Variants in DDX24 observed in about 807,000 individuals in gnomAD.
DDX24 encodes ATP-dependent RNA helicase DDX24.
DDX24 carries 24 observed loss-of-function variants against 68.9 expected under a neutral mutation model. The observed-to-expected ratio is 0.35, with a 90% confidence interval of 0.25 to 0.49. DDX24 has a LOEUF of 0.49. DDX24 is among the 20% of genes least tolerant of loss of function. The pLI is 0.99. For synonymous variants in DDX24, 395 were observed against 385.2 expected, an observed-to-expected ratio of 1.03 and a Z score of -0.30; for missense variants, 989 against 1,039.0, an observed-to-expected ratio of 0.95 and a Z score of 0.66.
intron 2 of DDX24, among the ~76,000 whole-genome samples, chr14:94,077,592 C>G (rs1442465434): frequency 2.0e-5 from 3 of 152,196 alleles, no homozygotes; most frequent in Admixed American, 2.0e-4. Context: ...GTACTTACCC[C>G]AGGGTGGTTG....
chr14:94,070,529 C>G (rs1472671279), intron 2 of DDX24, among the ~76,000 whole-genome samples: 1 of 151,944 alleles, frequency 6.6e-6, no homozygotes, highest in African/African-American at 2.4e-5. Context: ...CATATGGAAC[C>G]AAAAAAGAGC....
chr14:94,078,181 G>A (rs752536240), intron 2 of DDX24, among the ~76,000 whole-genome samples: 4 of 152,162 alleles, frequency 2.6e-5, no homozygotes, highest in Non-Finnish European at 5.9e-5. Context: ...AGGAGGATGT[G>A]CCTATATAGG....
At chr14:94,056,141 A>G (rs1179880286) in intron 6 of DDX24, 1 of 152,160 alleles carries the variant, frequency 6.6e-6, no homozygotes, top group Non-Finnish European at 1.5e-5. Flanking sequence ...TTCCCCAAAA[A>G]AGGGAAGACT....
At chr14:94,058,015 C>T in intron 5 of DDX24, 118 bp from the exon 6 acceptor site, 1 of 871,826 alleles carries the variant, frequency 1.1e-6, no homozygotes, top group Non-Finnish European at 1.7e-6. Context: ...TAAGATATCA[C>T]TTGTATACCC....
chr14:94,059,160 CT>C (rs1885544780), intron 5 of DDX24, among the ~76,000 whole-genome samples: 1 of 152,260 alleles, frequency 6.6e-6, no homozygotes, highest in Non-Finnish European at 1.5e-5. Context: ...ACTGATACTA[CT>C]TACCAATTTT....
chr14:94,069,300 C>G (rs1216108732), intron 2 of DDX24, among the ~76,000 whole-genome samples: 2 of 151,996 alleles, frequency 1.3e-5, no homozygotes, highest in Non-Finnish European at 2.9e-5. Context: ...AAAAACCCTC[C>G]TAGCTTAAGT....
At chr14:94,077,144 T>C (rs1419260301) in intron 2 of DDX24, among the ~76,000 whole-genome samples, 2 of 152,236 alleles carry the variant, frequency 1.3e-5, no homozygotes, top group Non-Finnish European at 2.9e-5. Context: ...CAGCCAATAA[T>C]AGGCTATTAG....
intron 6 of DDX24, chr14:94,057,584 C>T: frequency 2.0e-6 from 1 of 491,764 alleles, no homozygotes; most frequent in South Asian, 3.3e-5. Context: ...AAGACTCTAA[C>T]CTGACAATAT....
intron 2 of DDX24, among the ~76,000 whole-genome samples, chr14:94,065,031 A>G (rs1885671471): frequency 6.6e-6 from 1 of 151,214 alleles, no homozygotes; most frequent in Admixed American, 6.6e-5. Flanking sequence ...TTTGATGCCA[A>G]GAGTGTTCTG....
At chr14:94,064,265 G>C (rs1885653863) in intron 2 of DDX24, among the ~76,000 whole-genome samples, 1 of 152,192 alleles carries the variant, frequency 6.6e-6, no homozygotes, top group East Asian at 1.9e-4. Flanking sequence ...GAGCTTCTAA[G>C]AGCCTTGTAA....
chr14:94,054,999 G>A lies in DDX24; in HGVS notation c.2175C>T (p.Val725=). 1.2e-6 allele frequency: 2 copies of A among 1,613,956 alleles called. No homozygotes were observed. The highest frequency in any genetic ancestry group is 1.7e-6 in the Non-Finnish European group (2 of 1,179,924). ...FPVQTKYMDV[V]KERIRLARQI... is the part of the protein sequence containing the mutation. ...TGGGGTTTTAACTGCTTTCTACCTTGACCACATCCATGTATTTTGTCTGCA... is the reference window on the plus strand; with the variant it reads ...TGGGGTTTTAACTGCTTTCTACCTTAACCACATCCATGTATTTTGTCTGCA... The change falls in exon 7 of 9, where the codon GTC becomes GTT. Residue 725 remains valine (V), a synonymous_variant. Coordinates refer to ENST00000621632, the MANE Select transcript of DDX24 (RefSeq NM_020414.4).
intron 4 of DDX24, 46 bp downstream of exon 4, chr14:94,060,867 T>A: frequency 6.2e-7 from 1 of 1,607,172 alleles, no homozygotes; most frequent in Non-Finnish European, 8.5e-7. Context: ...CTAAGGCTCA[T>A]TTCAGAAAAG....
At chr14:94,078,590 GAC>G (rs1222903129) in intron 2 of DDX24, among the ~76,000 whole-genome samples, 1 of 152,178 alleles carries the variant, frequency 6.6e-6, no homozygotes, top group Non-Finnish European at 1.5e-5. Flanking sequence ...CTGAGAATTA[GAC>G]AGTTCTTCCC....
At chr14:94,060,821 T>C (rs1357803123) in intron 4 of DDX24, 92 bp downstream of exon 4, 1 of 1,547,226 alleles carries the variant, frequency 6.5e-7, no homozygotes, top group African/African-American at 1.4e-5. Flanking sequence ...CATAGCATTC[T>C]GCGATGAGAA....
rs999105391 is a variant in DDX24, at chr14:94,057,523, T to A, written c.1989+299A>T. Reference sequence around the variant, plus strand: ...ACTCTTCTATTAATACTTCTCTACATCAGGGTAACCAATTACATGCTTAAC... The same window carrying A: ...ACTCTTCTATTAATACTTCTCTACAACAGGGTAACCAATTACATGCTTAAC... On this transcript the variant is annotated intron_variant, in intron 6 of 8. Transcript: ENST00000621632. 2 of 350,482 alleles carry A rather than the reference T, an allele frequency of 5.7e-6. 1 individual carries two copies. Among genetic ancestry groups the A allele is most frequent in the African/African-American group, 4.3e-5 (2 of 47,052 alleles). 21.7% of individuals were successfully genotyped at this position (350,482 alleles called of 1,614,324 possible).
At chr14:94,055,525 CTA>C in intron 6 of DDX24, 1 of 272,212 alleles carries the variant, frequency 3.7e-6, no homozygotes, top group Non-Finnish European at 6.9e-6. Context: ...GTCTCTACTC[CTA>C]TATATATTTT....
chr14:94,059,135 TA>T (rs1885544463), intron 5 of DDX24, among the ~76,000 whole-genome samples: 1 of 152,272 alleles, frequency 6.6e-6, no homozygotes, highest in Admixed American at 6.5e-5. Context: ...TGTTCTAAGC[TA>T]ATCTCAGTAA....
At chr14:94,059,570 A>G (rs934257973) in intron 5 of DDX24, among the ~76,000 whole-genome samples, 3 of 152,246 alleles carry the variant, frequency 2.0e-5, no homozygotes, top group African/African-American at 7.2e-5. Context: ...AGACTGTTCT[A>G]AACACTTTAC....
At chr14:94,061,089 G>C (rs1191134280) in intron 3 of DDX24, 23 bp from the exon 4 acceptor site, 1 of 1,611,502 alleles carries the variant, frequency 6.2e-7, no homozygotes, top group Non-Finnish European at 8.5e-7. Flanking sequence ...AAACATAAGG[G>C]ACACTTATTC....
Sources: gnomAD v4.1 joint callset for allele counts (sites outside exome capture counted in the v4.1 genomes callset) on GRCh38, gnomAD v4.1.1 for gene constraint, MANE v1.5 for transcripts, NCBI Gene and HGNC (gene_info 2026-07-23, HGNC 2026-07-21) for gene names.